Variants in ATRNL1 observed in about 807,000 individuals in gnomAD.
ATRNL1 encodes attractin like 1, also known as attractin-like protein 1.
Under a neutral mutation model 182.7 loss-of-function variants are expected in ATRNL1, and 95 were observed. The observed-to-expected ratio is 0.52, with a 90% CI of 0.44 to 0.62. The LOEUF is 0.62. ATRNL1 is among the 20% of genes least tolerant of loss of function. The pLI is 0.00. For missense variants in ATRNL1, 1,471 were observed against 1,679.5 expected (o/e 0.88, Z 2.17); for synonymous variants, 576 against 568.3 (o/e 1.01, Z -0.19).
At chr10:115,242,096 G>A (rs1359144980) in intron 10 of ATRNL1, among the ~76,000 whole-genome samples, 1 of 151,938 alleles carries the variant, frequency 6.6e-6, no homozygotes, top group Non-Finnish European at 1.5e-5. Flanking sequence ...TACATAGTAG[G>A]AATGTAAACA....
intron 26 of ATRNL1, among the ~76,000 whole-genome samples, chr10:115,713,718 A>G (rs1947156494): frequency 7.7e-6 from 1 of 129,532 alleles, no homozygotes; most frequent in Non-Finnish European, 1.6e-5. Context: ...CTATCTATCT[A>G]TCTATCTATC....
At chr10:115,138,808 A>G (rs1333494292) in intron 5 of ATRNL1, among the ~76,000 whole-genome samples, 1 of 152,146 alleles carries the variant, frequency 6.6e-6, no homozygotes, top group Non-Finnish European at 1.5e-5. Flanking sequence ...TACTTATGCA[A>G]ATTTATGCAG....
chr10:115,164,287 A>G (rs1846935993), intron 6 of ATRNL1, among the ~76,000 whole-genome samples: 1 of 152,200 alleles, frequency 6.6e-6, no homozygotes, highest in South Asian at 2.1e-4. Flanking sequence ...AATTCATTTT[A>G]TACAGTCTTA....
At chr10:115,832,661 C>A (rs1950585018) in intron 27 of ATRNL1, among the ~76,000 whole-genome samples, 1 of 152,182 alleles carries the variant, frequency 6.6e-6, no homozygotes, top group Admixed American at 6.5e-5. Context: ...ACTCTCCTTG[C>A]ACAGGCAAAG....
chr10:115,154,033 T>C (rs10787553), intron 5 of ATRNL1, among the ~76,000 whole-genome samples: 9,242 of 151,154 alleles, frequency 0.061, 925 homozygotes, highest in African/African-American at 0.21. Flanking sequence ...AGTGAGTTTC[T>C]TAATCCTGAG....
At chr10:115,487,489 T>C (rs902722881) in intron 24 of ATRNL1, among the ~76,000 whole-genome samples, 19 of 152,180 alleles carry the variant, frequency 1.2e-4, no homozygotes, top group Non-Finnish European at 2.5e-4. Flanking sequence ...AGGTATTTTA[T>C]TCTCTTTGTA....
At chr10:115,684,459 T>TTA (rs1946154702) in intron 26 of ATRNL1, among the ~76,000 whole-genome samples, 1 of 151,030 alleles carries the variant, frequency 6.6e-6, no homozygotes, top group Middle Eastern at 3.2e-3. Flanking sequence ...TTTTTTTTTT[T>TTA]ATTTTTCCTC....
chr10:115,497,832 A>T (rs888870974), intron 24 of ATRNL1, among the ~76,000 whole-genome samples: 1 of 151,774 alleles, frequency 6.6e-6, no homozygotes, highest in African/African-American at 2.4e-5. Flanking sequence ...TAATTTTTGT[A>T]TTTTTAGTAG....
intron 20 of ATRNL1, among the ~76,000 whole-genome samples, chr10:115,403,997 G>T (rs782141504): frequency 6.6e-5 from 10 of 152,132 alleles, no homozygotes; most frequent in Non-Finnish European, 1.5e-4. Flanking sequence ...TCATGTTAAG[G>T]TTGGCCAGTA....
At chr10:115,738,207 C>T (rs1446994426) in intron 27 of ATRNL1, among the ~76,000 whole-genome samples, 1 of 129,522 alleles carries the variant, frequency 7.7e-6, no homozygotes, top group Non-Finnish European at 1.6e-5. Flanking sequence ...GGCACGATCT[C>T]GGCTCACTGC....
chr10:115,394,490 A>C (rs1386827571), intron 19 of ATRNL1, among the ~76,000 whole-genome samples, 169 bp from the exon 20 acceptor site: 1 of 152,020 alleles, frequency 6.6e-6, no homozygotes, highest in African/African-American at 2.4e-5. Context: ...AGAAAAGTGA[A>C]TTTACTTCCC....
Position 115,772,263 on chromosome 10 carries a change from G to A in ATRNL1, c.3903+44908G>A, listed in dbSNP as rs117018623. On this transcript the variant is annotated intron_variant, in intron 27 of 28. Transcript: ENST00000355044. ...ACAATGGCATTTCACACTGTGGCTG[G>A]TGCTTTTAAATAGGAGTCAGAGAAA... Among the ~76,000 whole-genome samples the A allele has an allele frequency of 1.7e-3, 259 of 152,292 alleles. 1 individual carries two copies. The highest frequency in any genetic ancestry group is 2.8e-3 in the Non-Finnish European group (190 of 68,032).
rs578007357 is a variant in ATRNL1, at chr10:115,159,429, C to T, written c.830-611C>T. 2.0e-5 allele frequency among the ~76,000 whole-genome samples: 3 copies of T among 151,368 alleles called. No individual in the cohort carries two copies. The East Asian group carries it at 5.8e-4, about 29-fold the overall frequency. ...CTTTATAGTATTTGAAATTATTCTG[C>T]ACTAATTTAATAATTTTTATTTTAT... On this transcript the variant is annotated intron_variant, in intron 5 of 28. Transcript: ENST00000355044.
At chr10:115,936,015 T>C (rs1267859860) in intron 28 of ATRNL1, among the ~76,000 whole-genome samples, 1 of 152,236 alleles carries the variant, frequency 6.6e-6, no homozygotes, top group Non-Finnish European at 1.5e-5. Context: ...TTGCTCTAAA[T>C]TGACATTGTC....
chr10:115,286,947 G>A (rs1248630329), intron 15 of ATRNL1, among the ~76,000 whole-genome samples: 1 of 151,870 alleles, frequency 6.6e-6, no homozygotes, highest in African/African-American at 2.4e-5. Context: ...AAGTATATGG[G>A]AGGATATGGA....
chr10:115,255,522 T>C (rs1851084594), intron 10 of ATRNL1, among the ~76,000 whole-genome samples: 2 of 152,230 alleles, frequency 1.3e-5, no homozygotes, highest in South Asian at 4.1e-4. Flanking sequence ...GTTTATCAGC[T>C]TAAGGAGATT....
chr10:115,148,119 ATTTC>A (rs1488608918), intron 5 of ATRNL1, among the ~76,000 whole-genome samples: 4 of 151,910 alleles, frequency 2.6e-5, no homozygotes, highest in Non-Finnish European at 5.9e-5. Context: ...GTCCTCTTCA[ATTTC>A]TTTCTTCTGT....
At chr10:115,394,208 A>G (rs144807805) in intron 19 of ATRNL1, among the ~76,000 whole-genome samples, 35 of 152,160 alleles carry the variant, frequency 2.3e-4, no homozygotes, top group African/African-American at 7.7e-4. Flanking sequence ...CCTGGAAGCT[A>G]AGTGCTGTTA....
At chr10:115,547,094 A>T (rs1461076286) in intron 25 of ATRNL1, among the ~76,000 whole-genome samples, 4 of 151,760 alleles carry the variant, frequency 2.6e-5, no homozygotes, top group African/African-American at 9.7e-5. Flanking sequence ...TCTCTACTAA[A>T]AATACAAAAA....
Sources: allele counts gnomAD v4.1 joint callset (sites outside exome capture counted in the v4.1 genomes callset), GRCh38; gene constraint gnomAD v4.1.1; transcripts MANE v1.5; gene names NCBI Gene and HGNC (gene_info 2026-07-23, HGNC 2026-07-21).